The following B3GALT1 variants were observed in gnomAD, a reference collection of about 807,000 sequenced individuals.
The protein encoded by B3GALT1 is UDP-Gal:betaGlcNAc beta 1,3-galactosyltransferase, polypeptide 1.
B3GALT1 carries 10 observed loss-of-function variants against 23.2 expected under a neutral mutation model. The observed-to-expected ratio is 0.43, with a 90% confidence interval of 0.27 to 0.73. B3GALT1 has a LOEUF of 0.73. Ranked by LOEUF, B3GALT1 falls within the 30% of genes least tolerant of loss-of-function variation. The pLI is 0.21. For synonymous variants in B3GALT1, 156 were observed against 141.5 expected (o/e 1.10, Z -0.73); for missense variants, 299 against 405.4 (o/e 0.74, Z 2.25).
chr2:167,857,288 A>G (rs1690017054), intron 4 of B3GALT1, among the ~76,000 whole-genome samples: 1 of 152,012 alleles, frequency 6.6e-6, no homozygotes, highest in Non-Finnish European at 1.5e-5. Flanking sequence ...CTTTGCTTTG[A>G]AAAGCAAAGG....
chr2:167,335,821 A>G (rs1216389323), intron 1 of B3GALT1, among the ~76,000 whole-genome samples: 1 of 152,116 alleles, frequency 6.6e-6, no homozygotes, highest in Non-Finnish European at 1.5e-5. Flanking sequence ...TATCTTTTGC[A>G]GACCTCCAAT....
chr2:167,416,027 C>T (rs1039202045), intron 1 of B3GALT1, among the ~76,000 whole-genome samples: 3 of 152,138 alleles, frequency 2.0e-5, no homozygotes, highest in South Asian at 2.1e-4. Context: ...GGAAAACTCT[C>T]GGCCTGGCCA....
chr2:167,426,276 CTT>C (rs199670599), intron 1 of B3GALT1, among the ~76,000 whole-genome samples: 33 of 137,510 alleles, frequency 2.4e-4, no homozygotes, highest in Admixed American at 4.4e-4. Flanking sequence ...GTTTATCATT[CTT>C]TTTTTTTTTT....
chr2:167,739,936 AAAC>A, intron 3 of B3GALT1, among the ~76,000 whole-genome samples: 1 of 54,330 alleles, frequency 1.8e-5, no homozygotes. Flanking sequence ...ACAAAAAAAC[AAAC>A]AAAAAAAAAA....
intron 1 of B3GALT1, among the ~76,000 whole-genome samples, chr2:167,414,721 G>A (rs1461232255): frequency 6.6e-6 from 1 of 152,102 alleles, no homozygotes; most frequent in African/African-American, 2.4e-5. Context: ...AAACACTGTT[G>A]GAAACCTTCA....
intron 2 of B3GALT1, among the ~76,000 whole-genome samples, chr2:167,565,853 A>C (rs1391863716): frequency 6.6e-6 from 1 of 151,826 alleles, no homozygotes; most frequent in East Asian, 1.9e-4. Flanking sequence ...AGGAAACAAC[A>C]GGTGCTGGAG....
In B3GALT1 at chr2:167,825,453, T is replaced by TGTGTGC. The variant is rs1242653261; in HGVS notation, c.-230+6663_-230+6664insTGCGTG. On this transcript the variant is annotated intron_variant, in intron 4 of 4. Coordinates refer to ENST00000392690, the MANE Select transcript of B3GALT1 (RefSeq NM_020981.4). ...ATATGCAGGGGTGTGTGTGTGTGTG[T>TGTGTGC]GTGCGTGCACGTGTGTGTGTGTGTT... is the stretch of plus-strand genomic sequence containing the variant. 1.8e-4 allele frequency among the ~76,000 whole-genome samples: 26 copies of TGTGTGC among 146,600 alleles called. No homozygotes were observed. In the East Asian group the frequency reaches 3.5e-3, roughly 20 times the overall value.
intron 2 of B3GALT1, among the ~76,000 whole-genome samples, chr2:167,621,504 C>T (rs1413418899): frequency 6.6e-6 from 1 of 151,948 alleles, no homozygotes; most frequent in Non-Finnish European, 1.5e-5. Flanking sequence ...TTTTTCACTT[C>T]AAAGGAACTC....
At chr2:167,806,250 GACATA>G (rs1688750485) in intron 3 of B3GALT1, among the ~76,000 whole-genome samples, 1 of 152,102 alleles carries the variant, frequency 6.6e-6, no homozygotes, top group Admixed American at 6.5e-5. Context: ...GGGTTTTCTA[GACATA>G]CAATCATGTC....
At chr2:167,642,606 G>A (rs1490476721) in intron 2 of B3GALT1, among the ~76,000 whole-genome samples, 1 of 152,190 alleles carries the variant, frequency 6.6e-6, no homozygotes, top group Non-Finnish European at 1.5e-5. Flanking sequence ...GCTGGGCGCA[G>A]TGGCTCATGC....
intron 2 of B3GALT1, among the ~76,000 whole-genome samples, chr2:167,623,750 A>G (rs1259632340): frequency 2.6e-5 from 4 of 152,058 alleles, no homozygotes; most frequent in Admixed American, 6.6e-5. Flanking sequence ...TTAAAGTATA[A>G]TAATTAACAA....
At chr2:167,592,071 T>C (rs1684692816) in intron 2 of B3GALT1, among the ~76,000 whole-genome samples, 1 of 152,126 alleles carries the variant, frequency 6.6e-6, no homozygotes, top group Non-Finnish European at 1.5e-5. Context: ...GAGCTAGAAA[T>C]GTTACCATTA....
At chr2:167,680,244 A>G (rs1686503432) in intron 3 of B3GALT1, among the ~76,000 whole-genome samples, 1 of 152,212 alleles carries the variant, frequency 6.6e-6, no homozygotes, top group African/African-American at 2.4e-5. Flanking sequence ...ATAAATATGC[A>G]TCAGTGATTT....
chr2:167,678,650 G>A (rs1448935460), intron 3 of B3GALT1, among the ~76,000 whole-genome samples: 1 of 152,132 alleles, frequency 6.6e-6, no homozygotes, highest in Non-Finnish European at 1.5e-5. Flanking sequence ...TTAAATGTTT[G>A]TTGGCTTTTC....
At chr2:167,369,587 A>G (rs944105986) in intron 1 of B3GALT1, among the ~76,000 whole-genome samples, 9 of 152,190 alleles carry the variant, frequency 5.9e-5, no homozygotes, top group Non-Finnish European at 1.0e-4. Flanking sequence ...GTAAAAATAT[A>G]TACCTTACAA....
At chr2:167,757,526 A>T (rs1197254033) in intron 3 of B3GALT1, among the ~76,000 whole-genome samples, 1 of 151,958 alleles carries the variant, frequency 6.6e-6, no homozygotes, top group Non-Finnish European at 1.5e-5. Context: ...TAAATCTAAA[A>T]TTTTTTTTAA....
At chr2:167,413,492 A>C (rs939612552) in intron 1 of B3GALT1, among the ~76,000 whole-genome samples, 1 of 152,006 alleles carries the variant, frequency 6.6e-6, no homozygotes, top group Non-Finnish European at 1.5e-5. Flanking sequence ...TTAAATTCAT[A>C]AATTACTTCC....
At chr2:167,425,476 A>T (rs1698610116) in intron 1 of B3GALT1, among the ~76,000 whole-genome samples, 1 of 152,232 alleles carries the variant, frequency 6.6e-6, no homozygotes, top group African/African-American at 2.4e-5. Flanking sequence ...AACAGGTTTT[A>T]AAGGATTAAT....
intron 1 of B3GALT1, among the ~76,000 whole-genome samples, chr2:167,453,859 C>G (rs1350014456): frequency 6.6e-6 from 1 of 152,188 alleles, no homozygotes; most frequent in Non-Finnish European, 1.5e-5. Context: ...ATTTTCCTGT[C>G]TGTCAGAATG....
Sources: gnomAD v4.1 joint callset for allele counts (sites outside exome capture counted in the v4.1 genomes callset) on GRCh38, gnomAD v4.1.1 for gene constraint, MANE v1.5 for transcripts, NCBI Gene and HGNC (gene_info 2026-07-23, HGNC 2026-07-21) for gene names.